Variants in ADGRB3 observed in about 807,000 individuals in gnomAD.
The protein encoded by ADGRB3 is adhesion G protein-coupled receptor B3.
ADGRB3 carries 37 observed loss-of-function variants against 193.4 expected under a neutral mutation model. The observed-to-expected ratio is 0.19, with a 90% CI of 0.15 to 0.25. ADGRB3 has a LOEUF of 0.25. Ranked by LOEUF, ADGRB3 falls within the 10% of genes least tolerant of loss-of-function variation. ADGRB3 has a pLI of 1.00. For synonymous variants in ADGRB3, 690 were observed against 644.2 expected, an observed-to-expected ratio of 1.07 and a Z score of -1.08; for missense variants, 1,637 against 1,852.9, an observed-to-expected ratio of 0.88 and a Z score of 2.14.
rs564931262 is a variant in ADGRB3 at position 69,015,632 on chromosome 6, A to G, written c.1998+1526A>G. On this transcript the variant is annotated intron_variant, in intron 12 of 31. Transcript: ENST00000370598. ...GTGAGTCTCCTTATTTTTGAGTAATAGCCTCAACAAAAGTAAATGTAGAAC... is the reference window on the plus strand; with the variant it reads ...GTGAGTCTCCTTATTTTTGAGTAATGGCCTCAACAAAAGTAAATGTAGAAC... 6.6e-5 allele frequency among the ~76,000 whole-genome samples: 10 copies of G among 152,044 alleles called. No individual in the cohort carries two copies. The East Asian group carries it at 1.9e-3, about 29-fold the overall frequency.
At chr6:69,229,083 A>G (rs886181942) in intron 17 of ADGRB3, among the ~76,000 whole-genome samples, 1 of 152,176 alleles carries the variant, frequency 6.6e-6, no homozygotes, top group Non-Finnish European at 1.5e-5. Context: ...TGATCACTAA[A>G]GTTACTTCTA....
intron 3 of ADGRB3, among the ~76,000 whole-genome samples, chr6:68,790,267 G>T (rs1767074039): frequency 6.6e-6 from 1 of 152,082 alleles, no homozygotes; most frequent in Admixed American, 6.6e-5. Flanking sequence ...CTGGGGGAGG[G>T]GTGCCCGCCA....
chr6:69,342,616 T>C (rs1768999882), intron 26 of ADGRB3, among the ~76,000 whole-genome samples: 1 of 152,142 alleles, frequency 6.6e-6, no homozygotes, highest in East Asian at 1.9e-4. Context: ...TGCCCTGACA[T>C]TACCATGGTC....
intron 17 of ADGRB3, among the ~76,000 whole-genome samples, chr6:69,225,212 T>C (rs534292099): frequency 3.3e-5 from 5 of 152,342 alleles, no homozygotes; most frequent in African/African-American, 1.2e-4. Context: ...CAATCTAATT[T>C]ATATCTGACC....
intron 3 of ADGRB3, among the ~76,000 whole-genome samples, chr6:68,766,908 T>G (rs1473909343): frequency 6.6e-6 from 1 of 152,056 alleles, no homozygotes; most frequent in African/African-American, 2.4e-5. Context: ...AATAATTCAT[T>G]TGTAACATAC....
At chr6:69,074,032 C>T (rs1360861583) in intron 16 of ADGRB3, among the ~76,000 whole-genome samples, 10 of 151,912 alleles carry the variant, frequency 6.6e-5, no homozygotes, top group South Asian at 2.1e-4. Flanking sequence ...CTCAAAACTT[C>T]GGAGGTTTAT....
In ADGRB3 at chr6:68,974,782, T is replaced by C; in HGVS notation, c.1545T>C (p.Pro515=). 1 of 1,614,030 alleles carries C rather than the reference T, an allele frequency of 6.2e-7. No individual in the cohort carries two copies. Among genetic ancestry groups the C allele is most frequent in the Non-Finnish European group, 8.5e-7 (1 of 1,179,918 alleles). ...QRCPAPYEIC[P]EDYLMSMVWK... ...TTGCAGCACCTTATGAAATATGCCC[T>C]GAGGATTATCTGATGTCGATGGTGT... Residue 515 remains proline, a synonymous_variant, in exon 9 of 32, where the codon CCT becomes CCC. Transcript: ENST00000370598.
chr6:68,684,401 C>A (rs1764947273), intron 3 of ADGRB3, among the ~76,000 whole-genome samples: 1 of 152,122 alleles, frequency 6.6e-6, no homozygotes, highest in Non-Finnish European at 1.5e-5. Context: ...AGCTCAATTT[C>A]CATCTTTTTA....
intron 20 of ADGRB3, among the ~76,000 whole-genome samples, chr6:69,312,513 T>A (rs528718100): frequency 1.3e-5 from 2 of 151,776 alleles, no homozygotes; most frequent in South Asian, 4.2e-4. Context: ...CCATGAATTG[T>A]CACACCTAGA....
chr6:68,956,301 A>ATATGTGTG (rs71672105), intron 7 of ADGRB3, 113 bp downstream of exon 7: 9 of 879,242 alleles, frequency 1.0e-5, no homozygotes, highest in African/African-American at 8.9e-5. Flanking sequence ...TTATATATAT[A>ATATGTGTG]TGTGTGTGTG....
intron 17 of ADGRB3, among the ~76,000 whole-genome samples, chr6:69,104,334 A>G (rs1015386596): frequency 5.3e-5 from 8 of 151,288 alleles, no homozygotes; most frequent in South Asian, 2.1e-4. Context: ...ATGGTTTCCA[A>G]TTTCATCCAT....
chr6:69,136,435 G>A (rs1774151561), intron 17 of ADGRB3, among the ~76,000 whole-genome samples: 1 of 152,116 alleles, frequency 6.6e-6, no homozygotes, highest in African/African-American at 2.4e-5. Context: ...ATGTGGAGCA[G>A]CCTGTGCTAA....
At chr6:69,149,392 T>A (rs1414130839) in intron 17 of ADGRB3, among the ~76,000 whole-genome samples, 1 of 151,972 alleles carries the variant, frequency 6.6e-6, no homozygotes, top group African/African-American at 2.4e-5. Flanking sequence ...TGATTCTTTT[T>A]AATTACTTCA....
At chr6:69,387,818 G>C (rs1770106773) in intron 31 of ADGRB3, among the ~76,000 whole-genome samples, 2 of 151,980 alleles carry the variant, frequency 1.3e-5, no homozygotes, top group African/African-American at 4.8e-5. Flanking sequence ...CTGTTCACTT[G>C]GTAATTGATT....
At chr6:69,125,961 A>G (rs1195678463) in intron 17 of ADGRB3, among the ~76,000 whole-genome samples, 3 of 152,180 alleles carry the variant, frequency 2.0e-5, no homozygotes, top group Admixed American at 2.0e-4. Context: ...CAGTAATGGG[A>G]TGAAGAATCT....
At chr6:68,718,271 T>A (rs1285719034) in intron 3 of ADGRB3, among the ~76,000 whole-genome samples, 1 of 151,718 alleles carries the variant, frequency 6.6e-6, no homozygotes, top group Non-Finnish European at 1.5e-5. Context: ...TTTTAAGCCC[T>A]ACGACAGATC....
chr6:68,681,955 A>C (rs1309487069), intron 3 of ADGRB3, among the ~76,000 whole-genome samples: 1 of 152,200 alleles, frequency 6.6e-6, no homozygotes, highest in Non-Finnish European at 1.5e-5. Context: ...AGTAAAGAGC[A>C]ATGTGAGACA....
At chr6:68,962,204 G>A (rs1768254146) in intron 8 of ADGRB3, among the ~76,000 whole-genome samples, 1 of 152,170 alleles carries the variant, frequency 6.6e-6, no homozygotes, top group Non-Finnish European at 1.5e-5. Context: ...ATAGATGAGA[G>A]AGACCACCTG....
chr6:68,942,410 A>G (rs1456078275), intron 5 of ADGRB3, among the ~76,000 whole-genome samples: 1 of 152,160 alleles, frequency 6.6e-6, no homozygotes, highest in Non-Finnish European at 1.5e-5. Context: ...GTCATATCAA[A>G]CATCTGGCCT....
Sources: gnomAD v4.1 joint callset for allele counts (sites outside exome capture counted in the v4.1 genomes callset) on GRCh38, gnomAD v4.1.1 for gene constraint, MANE v1.5 for transcripts, NCBI Gene and HGNC (gene_info 2026-07-23, HGNC 2026-07-21) for gene names.